Variants in SHC3 observed in about 807,000 individuals in gnomAD.
The protein encoded by SHC3 is SHC-transforming protein 3.
In SHC3, 15 loss-of-function variants were observed where a neutral mutation model predicts 60.4. The ratio of observed to expected loss-of-function variants is 0.25; its 90% CI spans 0.17 to 0.38. SHC3 has a LOEUF of 0.38. SHC3 is among the 10% of genes least tolerant of loss of function. SHC3 has a pLI of 1.00. For missense variants in SHC3, 677 were observed against 786.1 expected, an observed-to-expected ratio of 0.86 and a Z score of 1.66; for synonymous variants, 294 against 325.9, an observed-to-expected ratio of 0.90 and a Z score of 1.05.
intron 11 of SHC3, among the ~76,000 whole-genome samples, chr9:89,037,032 CG>C (rs1824593300): frequency 6.6e-6 from 1 of 151,042 alleles, no homozygotes; most frequent in Non-Finnish European, 1.5e-5. Flanking sequence ...GCTGTCTCCG[CG>C]GAAGGGAAAG....
chr9:89,048,136 C>T (rs769395213), intron 7 of SHC3, among the ~76,000 whole-genome samples: 2 of 150,834 alleles, frequency 1.3e-5, no homozygotes, highest in Non-Finnish European at 2.9e-5. Flanking sequence ...TCCAGCTACT[C>T]GGGAGGCTGA....
intron 1 of SHC3, among the ~76,000 whole-genome samples, chr9:89,155,502 G>A (rs1211765994): frequency 6.6e-6 from 1 of 152,052 alleles, no homozygotes; most frequent in Non-Finnish European, 1.5e-5. Flanking sequence ...AGACCTCACA[G>A]GACTGCTTCC....
intron 1 of SHC3, among the ~76,000 whole-genome samples, chr9:89,156,780 G>C (rs1340233899): frequency 1.3e-5 from 2 of 152,074 alleles, no homozygotes; most frequent in African/African-American, 4.8e-5. Context: ...CTTCCTGAGG[G>C]GCCTGGAGAA....
intron 1 of SHC3, among the ~76,000 whole-genome samples, chr9:89,125,447 G>T (rs965454271): frequency 7.9e-5 from 12 of 151,656 alleles, no homozygotes; most frequent in African/African-American, 1.9e-4. Flanking sequence ...TTAAGTCTAA[G>T]TATCTCACAC....
intron 6 of SHC3, among the ~76,000 whole-genome samples, chr9:89,053,673 T>C (rs1824899901): frequency 6.6e-6 from 1 of 152,228 alleles, no homozygotes; most frequent in African/African-American, 2.4e-5. Flanking sequence ...CCAAGAGATG[T>C]GTCTACAAAG....
At chr9:89,110,460 C>T in intron 2 of SHC3, 1 of 984,966 alleles carries the variant, frequency 1.0e-6, no homozygotes, top group African/African-American at 1.7e-5. Flanking sequence ...GGAGTTTAAT[C>T]ACAGGTATGT....
intron 2 of SHC3, among the ~76,000 whole-genome samples, chr9:89,093,678 CA>C (rs1212240957): frequency 3.4e-5 from 5 of 148,620 alleles, no homozygotes; most frequent in African/African-American, 1.3e-4. Context: ...AAGGAAAGGA[CA>C]GGGGCTTGGG....
chr9:89,118,042 G>A (rs1826041231), intron 1 of SHC3, among the ~76,000 whole-genome samples: 1 of 151,900 alleles, frequency 6.6e-6, no homozygotes, highest in African/African-American at 2.4e-5. Context: ...TTTTTCTGAA[G>A]AGATTTAAAA....
chr9:89,036,048 A>G (rs1824573498), intron 11 of SHC3, among the ~76,000 whole-genome samples: 1 of 152,076 alleles, frequency 6.6e-6, no homozygotes, highest in African/African-American at 2.4e-5. Flanking sequence ...AGTCAAAACC[A>G]TCAAGCACAA....
chr9:89,095,676 G>T (rs543797047), intron 2 of SHC3, among the ~76,000 whole-genome samples: 1 of 151,900 alleles, frequency 6.6e-6, no homozygotes, highest in East Asian at 1.9e-4. Flanking sequence ...CATTATTCCC[G>T]GGAAAGCCAC....
At chr9:89,065,207 G>T (rs139294216) in intron 6 of SHC3, among the ~76,000 whole-genome samples, 530 of 152,270 alleles carry the variant, frequency 3.5e-3, no homozygotes, top group African/African-American at 0.012. Flanking sequence ...AGCTGAAGCT[G>T]GGCAGGAGGA....
chr9:89,141,703 C>G (rs1826396139), intron 1 of SHC3, among the ~76,000 whole-genome samples: 1 of 152,116 alleles, frequency 6.6e-6, no homozygotes, highest in South Asian at 2.1e-4. Flanking sequence ...GCTTAGCACC[C>G]AATGTCAAAC....
chr9:89,075,294 C>T, intron 3 of SHC3, 66 bp from the exon 4 acceptor site: 1 of 1,576,784 alleles, frequency 6.3e-7, no homozygotes, highest in Non-Finnish European at 8.6e-7. Flanking sequence ...GATGTGGATG[C>T]CTGCCATACC....
At chr9:89,089,640 G>A (rs1481796887) in intron 2 of SHC3, among the ~76,000 whole-genome samples, 1 of 152,186 alleles carries the variant, frequency 6.6e-6, no homozygotes, top group African/African-American at 2.4e-5. Flanking sequence ...AAACTCAGAG[G>A]AGGGTCTTAA....
At chr9:89,129,561 G>A (rs939376704) in intron 1 of SHC3, among the ~76,000 whole-genome samples, 9 of 152,234 alleles carry the variant, frequency 5.9e-5, no homozygotes, top group Middle Eastern at 3.4e-3. Context: ...CAGATCTCTC[G>A]GCAGAAACTC....
chr9:89,127,177 C>T (rs185864018), intron 1 of SHC3, among the ~76,000 whole-genome samples: 1 of 152,230 alleles, frequency 6.6e-6, no homozygotes, highest in African/African-American at 2.4e-5. Flanking sequence ...GAAATGAGTC[C>T]TTTCTGGTTT....
intron 6 of SHC3, among the ~76,000 whole-genome samples, chr9:89,058,657 G>A (rs1461652072): frequency 3.4e-5 from 5 of 148,628 alleles, no homozygotes; most frequent in African/African-American, 1.2e-4. Context: ...AGCAGAAGAT[G>A]TGGTGGAGGA....
intron 1 of SHC3, among the ~76,000 whole-genome samples, chr9:89,151,507 T>G (rs961092477): frequency 1.3e-5 from 2 of 152,150 alleles, no homozygotes; most frequent in Admixed American, 6.6e-5. Flanking sequence ...TCATTAGACA[T>G]TGAATTTGCT....
intron 11 of SHC3, among the ~76,000 whole-genome samples, chr9:89,016,075 T>C (rs1436171412): frequency 6.6e-6 from 1 of 152,004 alleles, no homozygotes; most frequent in African/African-American, 2.4e-5. Context: ...AACCAAAAGC[T>C]TGTTCTTTGA....
Sources: gnomAD v4.1 joint callset for allele counts (sites outside exome capture counted in the v4.1 genomes callset) on GRCh38, gnomAD v4.1.1 for gene constraint, MANE v1.5 for transcripts, NCBI Gene and HGNC (gene_info 2026-07-23, HGNC 2026-07-21) for gene names.